PIP5K1B: variants seen among roughly 807,000 people sequenced by gnomAD.
The protein encoded by PIP5K1B is phosphatidylinositol-4-phosphate 5-kinase type 1 beta.
In PIP5K1B, 42 loss-of-function variants were observed where a neutral mutation model predicts 67.0. That is an observed-to-expected ratio of 0.63 (90% CI 0.49 to 0.81). The LOEUF (loss-of-function observed/expected upper bound fraction) is 0.81. Ranked by LOEUF, PIP5K1B falls within the 30% of genes least tolerant of loss-of-function variation. PIP5K1B has a pLI of 0.00. For missense variants in PIP5K1B, 459 were observed against 646.3 expected, an observed-to-expected ratio of 0.71 and a Z score of 3.14; for synonymous variants, 214 against 231.4, an observed-to-expected ratio of 0.92 and a Z score of 0.68.
rs534275810 is a variant in PIP5K1B at position 68,919,339 on chromosome 9, A to C, written c.984-140A>C. 45 of 552,992 alleles carry C rather than the reference A, an allele frequency of 8.1e-5. No individual in the cohort carries two copies. The South Asian group carries it at 9.9e-4, about 12-fold the overall frequency. 34.3% of individuals were successfully genotyped at this position (552,992 alleles called of 1,614,324 possible). ...ACAAAAACAAAAAGGAACAAACAAA[A>C]AAAAAAGATGAATGGGAGATAGCCC... On this transcript the variant is annotated intron_variant, in intron 9 of 15. Coordinates refer to ENST00000265382, the MANE Select transcript of PIP5K1B (RefSeq NM_003558.4).
intron 14 of PIP5K1B, among the ~76,000 whole-genome samples, chr9:68,973,465 A>G (rs532641890): frequency 6.6e-6 from 1 of 152,320 alleles, no homozygotes; most frequent in South Asian, 2.1e-4. Flanking sequence ...GATAATTTAG[A>G]CTTTTTAAGA....
rs574645905 is a variant in PIP5K1B at position 68,746,268 on chromosome 9, TG to T, written c.-86+3614del. Among the ~76,000 whole-genome samples the T allele has an allele frequency of 1.7e-3, 264 of 151,910 alleles. 1 individual carries two copies. Among genetic ancestry groups the T allele is most frequent in the African/African-American group, 6.1e-3 (251 of 41,426 alleles). On this transcript the variant is annotated intron_variant, in intron 2 of 15. Transcript: ENST00000265382. ...TAATTTTTGTATTTTTAGTAGAGAC[TG>T]GGTTTTGCTATGTTGGCCAGGCTGG...
intron 12 of PIP5K1B, among the ~76,000 whole-genome samples, chr9:68,927,398 C>T (rs879755570): frequency 2.0e-5 from 3 of 152,206 alleles, no homozygotes; most frequent in Admixed American, 1.3e-4. Flanking sequence ...GCAACATATA[C>T]GAGTTCCAGT....
In PIP5K1B at chr9:68,919,738, C is replaced by T; in HGVS notation, c.1116+9C>T. On this transcript the variant is annotated intron_variant, in intron 11 of 15. Coordinates refer to ENST00000265382, the MANE Select transcript of PIP5K1B (RefSeq NM_003558.4). ...CTCTTGTTTATGATGGGGTAAGTGACTTATTTTCCTTATTATACTGTATAT... is the reference window on the plus strand; with the variant it reads ...CTCTTGTTTATGATGGGGTAAGTGATTTATTTTCCTTATTATACTGTATAT... The T allele has an allele frequency of 6.9e-7, 1 of 1,458,478 alleles. No individual in the cohort carries two copies. The highest frequency in any genetic ancestry group is 9.6e-7 in the Non-Finnish European group (1 of 1,040,586). 90.3% of individuals were successfully genotyped at this position (1,458,478 alleles called of 1,614,324 possible).
chr9:68,771,507 C>G (rs1041646705), intron 2 of PIP5K1B, among the ~76,000 whole-genome samples: 1 of 152,178 alleles, frequency 6.6e-6, no homozygotes, highest in Non-Finnish European at 1.5e-5. Flanking sequence ...TGAAGCCAGA[C>G]CCCTGGGCTC....
chr9:68,783,788 C>T (rs1237119418), intron 2 of PIP5K1B: 2 of 167,044 alleles, frequency 1.2e-5, no homozygotes, highest in African/African-American at 4.8e-5. Context: ...GCTCCTCACA[C>T]TCACTCTGGT....
intron 2 of PIP5K1B, among the ~76,000 whole-genome samples, chr9:68,776,135 T>C (rs1000483305): frequency 6.6e-6 from 1 of 152,220 alleles, no homozygotes; most frequent in South Asian, 2.1e-4. Context: ...CTGCAGTATT[T>C]TTACTGTAGG....
intron 11 of PIP5K1B, among the ~76,000 whole-genome samples, chr9:68,921,682 C>G (rs1368769310): frequency 6.6e-6 from 1 of 151,958 alleles, no homozygotes; most frequent in Non-Finnish European, 1.5e-5. Flanking sequence ...GAAACCCTGT[C>G]TCTACTAAAA....
intron 11 of PIP5K1B, among the ~76,000 whole-genome samples, chr9:68,920,989 A>G (rs2132532431): frequency 6.6e-6 from 1 of 152,360 alleles, no homozygotes; most frequent in Admixed American, 6.5e-5. Context: ...CTTTTGAAAG[A>G]GAATAAATTA....
intron 2 of PIP5K1B, among the ~76,000 whole-genome samples, chr9:68,800,665 G>T (rs752628801): frequency 6.6e-6 from 1 of 152,196 alleles, no homozygotes; most frequent in Non-Finnish European, 1.5e-5. Flanking sequence ...CAGCTGCCAC[G>T]CTCTGTATCT....
intron 4 of PIP5K1B, among the ~76,000 whole-genome samples, chr9:68,834,217 C>T (rs1222585232): frequency 6.6e-6 from 1 of 152,220 alleles, no homozygotes; most frequent in African/African-American, 2.4e-5. Context: ...TGACCATCTC[C>T]TGCCATTATC....
At chr9:68,764,806 T>C (rs1003904197) in intron 2 of PIP5K1B, among the ~76,000 whole-genome samples, 1 of 152,080 alleles carries the variant, frequency 6.6e-6, no homozygotes, top group Admixed American at 6.6e-5. Context: ...TAAACATCAA[T>C]GTAGCAAAGA....
At chr9:68,860,066 C>T (rs1452488145) in intron 4 of PIP5K1B, among the ~76,000 whole-genome samples, 1 of 151,988 alleles carries the variant, frequency 6.6e-6, no homozygotes, top group African/African-American at 2.4e-5. Flanking sequence ...CACTTAAAAT[C>T]TACTTTCTTG....
At chr9:68,954,624 A>G (rs1312069045) in intron 14 of PIP5K1B, among the ~76,000 whole-genome samples, 6 of 152,222 alleles carry the variant, frequency 3.9e-5, no homozygotes, top group Non-Finnish European at 1.5e-5. Context: ...TTTGATTGGT[A>G]TCTCATCATG....
intron 11 of PIP5K1B, among the ~76,000 whole-genome samples, chr9:68,921,368 A>G (rs1332368413): frequency 6.6e-6 from 1 of 152,202 alleles, no homozygotes; most frequent in Non-Finnish European, 1.5e-5. Flanking sequence ...CTCCTATGAA[A>G]GAAGGTCAAT....
At chr9:68,762,661 T>G (rs868136290) in intron 2 of PIP5K1B, among the ~76,000 whole-genome samples, 13 of 152,278 alleles carry the variant, frequency 8.5e-5, no homozygotes, top group Admixed American at 2.6e-4. Flanking sequence ...ATCTTTAGGT[T>G]AATGGTATTA....
chr9:68,722,435 G>A (rs1411061111), intron 1 of PIP5K1B, among the ~76,000 whole-genome samples: 5 of 151,644 alleles, frequency 3.3e-5, no homozygotes, highest in Admixed American at 6.6e-5. Flanking sequence ...GGCTGGTCTC[G>A]AACTCCTGAC....
At chr9:68,898,668 C>A (rs1825213659) in intron 8 of PIP5K1B, among the ~76,000 whole-genome samples, 1 of 152,100 alleles carries the variant, frequency 6.6e-6, no homozygotes, top group Admixed American at 6.6e-5. Context: ...CATCGTGCAG[C>A]CAGATACCCA....
chr9:68,818,950 T>C (rs1308827126), intron 3 of PIP5K1B, among the ~76,000 whole-genome samples: 2 of 152,208 alleles, frequency 1.3e-5, no homozygotes, highest in East Asian at 1.9e-4. Context: ...CTTTCCTCCT[T>C]CCTTTTATGT....
Sources: allele counts gnomAD v4.1 joint callset (sites outside exome capture counted in the v4.1 genomes callset), GRCh38; gene constraint gnomAD v4.1.1; transcripts MANE v1.5; gene names NCBI Gene and HGNC (gene_info 2026-07-23, HGNC 2026-07-21).